Variants in FHIT observed in about 807,000 individuals in gnomAD.
FHIT encodes bis(5'-adenosyl)-triphosphatase.
Under a neutral mutation model 17.9 loss-of-function variants are expected in FHIT, and 19 were observed. The observed-to-expected ratio is 1.06, with a 90% CI of 0.74 to 1.56. The LOEUF is 1.56. Ranked by LOEUF, FHIT falls within the 40% of genes most tolerant of loss-of-function variation. FHIT has a pLI of 0.00. For missense variants in FHIT, 248 were observed against 189.2 expected, an observed-to-expected ratio of 1.31 and a Z score of -1.82; for synonymous variants, 81 against 69.7, an observed-to-expected ratio of 1.16 and a Z score of -0.81.
chr3:60,616,441 T>C (rs1451526286), intron 4 of FHIT, among the ~76,000 whole-genome samples: 1 of 152,200 alleles, frequency 6.6e-6, no homozygotes, highest in Non-Finnish European at 1.5e-5. Context: ...AAAATTTTTT[T>C]AATTATACAA....
At chr3:60,310,261 CCT>C (rs1708880903) in intron 5 of FHIT, among the ~76,000 whole-genome samples, 1 of 152,120 alleles carries the variant, frequency 6.6e-6, no homozygotes, top group East Asian at 1.9e-4. Context: ...TTGACATCTG[CCT>C]CTCTGTTCTG....
At chr3:59,955,350 C>T (rs989635724) in intron 7 of FHIT, among the ~76,000 whole-genome samples, 1 of 152,166 alleles carries the variant, frequency 6.6e-6, no homozygotes, top group African/African-American at 2.4e-5. Context: ...GGATGTTCCT[C>T]GGTCTCCATT....
intron 4 of FHIT, among the ~76,000 whole-genome samples, chr3:60,657,455 T>C (rs1232185519): frequency 1.3e-5 from 2 of 152,200 alleles, no homozygotes; most frequent in African/African-American, 4.8e-5. Flanking sequence ...CTGGGTCCTT[T>C]GATTTCTCAT....
At chr3:60,503,406 T>G (rs6774103) in intron 5 of FHIT, among the ~76,000 whole-genome samples, 67,235 of 151,622 alleles carry the variant, frequency 0.44, 15,089 homozygotes, top group African/African-American at 0.49. Flanking sequence ...TTTATGTGTA[T>G]GTACCTTATC....
chr3:59,814,152 A>G (rs1242820456), intron 8 of FHIT, among the ~76,000 whole-genome samples: 2 of 152,202 alleles, frequency 1.3e-5, no homozygotes, highest in Admixed American at 1.3e-4. Flanking sequence ...AGCAAAGAAA[A>G]GATGTGCTGC....
intron 3 of FHIT, among the ~76,000 whole-genome samples, chr3:60,840,118 T>A (rs1702672115): frequency 6.6e-6 from 1 of 151,944 alleles, no homozygotes; most frequent in Non-Finnish European, 1.5e-5. Context: ...AATGACACAT[T>A]TTTAAAAACA....
At chr3:60,639,368 C>T (rs2856056) in intron 4 of FHIT, among the ~76,000 whole-genome samples, 117,910 of 151,910 alleles carry the variant, frequency 0.78, 45,966 homozygotes, top group East Asian at 0.84. Flanking sequence ...AAACTGCAAA[C>T]ATATGAAGAG....
Position 60,470,766 on chromosome 3 carries a change from C to T in FHIT, c.103+66094G>A, listed in dbSNP as rs531918624. The stretch of plus-strand genomic sequence containing the variant: ...TCCTCTTTACTTTTCCCTCTCTTTT[C>T]CTCAAGCAGAAGGGATCTCTCCCTG... On this transcript the variant is annotated intron_variant, in intron 5 of 9. Transcript: ENST00000492590. Among the ~76,000 whole-genome samples, 169 of 152,198 alleles carry T rather than the reference C, an allele frequency of 1.1e-3. No homozygotes were observed. The South Asian group carries it at 0.014, about 13-fold the overall frequency.
At chr3:61,022,766 C>T (rs1268097883) in intron 3 of FHIT, among the ~76,000 whole-genome samples, 1 of 152,156 alleles carries the variant, frequency 6.6e-6, no homozygotes, top group Non-Finnish European at 1.5e-5. Context: ...TCAATAGATG[C>T]AGAAAAGGCC....
chr3:60,164,368 G>A (rs1701065041), intron 5 of FHIT, among the ~76,000 whole-genome samples: 1 of 152,190 alleles, frequency 6.6e-6, no homozygotes, highest in African/African-American at 2.4e-5. Flanking sequence ...GTATTGCCAT[G>A]CAGCCATGGC....
Position 60,775,452 on chromosome 3 carries a change from G to C in FHIT, c.-18+46467C>G, listed in dbSNP as rs575270093. ...CTGGGATTCAAGCTGTGGGCGGGAA[G>C]TGCTCTATCAGGGACTCAAGCCTTG... is the stretch of plus-strand genomic sequence containing the variant. On this transcript the variant is annotated intron_variant, in intron 4 of 9. Coordinates refer to ENST00000492590, the MANE Select transcript of FHIT (RefSeq NM_002012.4). Among the ~76,000 whole-genome samples the C allele has an allele frequency of 3.3e-4, 50 of 152,226 alleles. No individual in the cohort carries two copies. The East Asian group carries it at 3.5e-3, about 11-fold the overall frequency.
intron 5 of FHIT, among the ~76,000 whole-genome samples, chr3:60,507,319 C>G (rs1471946402): frequency 1.3e-5 from 2 of 152,056 alleles, no homozygotes; most frequent in African/African-American, 4.8e-5. Context: ...ATGAAAGAGG[C>G]TAGTATGGCT....
At chr3:60,750,670 T>C (rs1184871213) in intron 4 of FHIT, among the ~76,000 whole-genome samples, 2 of 152,180 alleles carry the variant, frequency 1.3e-5, no homozygotes, top group Non-Finnish European at 2.9e-5. Context: ...AACCTCTTTC[T>C]TTTGTAAATC....
At position 60,154,957 on chromosome 3, in the gene FHIT, T is replaced by C. The variant is rs1465077727; in HGVS notation, c.104-140805A>G. Among the ~76,000 whole-genome samples the C allele has an allele frequency of 2.0e-5, 3 of 152,138 alleles. No homozygotes were observed. The East Asian group carries it at 5.8e-4, about 29-fold the overall frequency. On this transcript the variant is annotated intron_variant, in intron 5 of 9. Transcript: ENST00000492590. ...ACATACACCTGTAATCCGAGCATCTTGGGAGGCCAAGGTGAGAGGATCACT... is the reference window on the plus strand; with the variant it reads ...ACATACACCTGTAATCCGAGCATCTCGGGAGGCCAAGGTGAGAGGATCACT...
rs534851113 is a variant in FHIT at position 60,600,785 on chromosome 3, C to T, written c.-17-63806G>A. Among the ~76,000 whole-genome samples, 28 of 152,342 alleles carry T rather than the reference C, an allele frequency of 1.8e-4. No homozygotes were observed. In the South Asian group the frequency reaches 5.0e-3, roughly 27 times the overall value. ...AACAACTTTGTTATAGAAGCTCCTACATGTCCTTTTGAGACCTTATCAGGA... is the reference window on the plus strand; with the variant it reads ...AACAACTTTGTTATAGAAGCTCCTATATGTCCTTTTGAGACCTTATCAGGA... On this transcript the variant is annotated intron_variant, in intron 4 of 9. Transcript: ENST00000492590.
chr3:60,206,440 T>G (rs953790576), intron 5 of FHIT, among the ~76,000 whole-genome samples: 2 of 152,140 alleles, frequency 1.3e-5, no homozygotes, highest in Admixed American at 6.5e-5. Context: ...GGGTAGATGT[T>G]GACTTTCCCA....
At chr3:60,742,630 C>T (rs898759701) in intron 4 of FHIT, among the ~76,000 whole-genome samples, 3 of 152,214 alleles carry the variant, frequency 2.0e-5, no homozygotes, top group Non-Finnish European at 4.4e-5. Flanking sequence ...CAGCAGGCTA[C>T]AACCAGCATT....
chr3:60,278,215 A>G lies in FHIT; in HGVS notation c.103+258645T>C, dbSNP rs536036586. On this transcript the variant is annotated intron_variant, in intron 5 of 9. Coordinates refer to ENST00000492590, the MANE Select transcript of FHIT (RefSeq NM_002012.4). Reference sequence around the variant, plus strand: ...GAGTTTTATGTCCAAGAACCCTATCATGTTCTCATGGGGAAGTCTGGAGAA... The same window carrying G: ...GAGTTTTATGTCCAAGAACCCTATCGTGTTCTCATGGGGAAGTCTGGAGAA... Among the ~76,000 whole-genome samples, 110 of 152,296 alleles carry G rather than the reference A, an allele frequency of 7.2e-4. 1 individual carries two copies. The highest frequency in any genetic ancestry group is 2.5e-3 in the African/African-American group (104 of 41,582).
At chr3:60,732,126 A>T in intron 4 of FHIT, 1 of 719,818 alleles carries the variant, frequency 1.4e-6, no homozygotes, top group African/African-American at 1.7e-5. Flanking sequence ...GGTGGTTAAG[A>T]GAAAACACAA....
Sources: allele counts gnomAD v4.1 joint callset (sites outside exome capture counted in the v4.1 genomes callset), GRCh38; gene constraint gnomAD v4.1.1; transcripts MANE v1.5; gene names NCBI Gene and HGNC (gene_info 2026-07-23, HGNC 2026-07-21).